Variants in ZNF367 observed in about 807,000 individuals in gnomAD.
ZNF367 encodes C2H2 zinc finger protein ZFF29.
A neutral mutation model predicts 31.8 loss-of-function variants in ZNF367; 11 were observed. That is an observed-to-expected ratio of 0.35 (90% CI 0.22 to 0.57). The LOEUF (loss-of-function observed/expected upper bound fraction) is 0.57, where lower values mean the gene tolerates loss of function less well. Ranked by LOEUF, ZNF367 falls within the 20% of genes least tolerant of loss-of-function variation. The pLI, the probability that ZNF367 is intolerant of heterozygous loss-of-function variation, is 0.85. For synonymous variants in ZNF367, 199 were observed against 202.4 expected (o/e 0.98, Z 0.14); for missense variants, 353 against 484.1 (o/e 0.73, Z 2.54).
Position 96,418,044 on chromosome 9 carries a change from A to C in ZNF367, c.-12T>G. 1.5e-6 allele frequency: 2 copies of C among 1,352,466 alleles called. No individual in the cohort carries two copies. The highest frequency in any genetic ancestry group is 3.9e-5 in the Admixed American group (1 of 25,692). The allele number at this position is 1,352,466 out of a possible 1,614,324, so 83.8% of individuals were successfully genotyped here. A position where few individuals can be genotyped will look rare whatever the true frequency, so the allele number is the denominator to read the frequency against. ...AAGCCCCGGATCATCGCCCGGCCCG[A>C]CCCCCAGCTCCGGCGGCCCCGGGCC... On this transcript the variant is annotated 5_prime_UTR_variant, in exon 1 of 5. Transcript: ENST00000375256.
intron 1 of ZNF367, among the ~76,000 whole-genome samples, chr9:96,415,361 C>A (rs116904117): frequency 6.6e-6 from 1 of 151,480 alleles, no homozygotes; most frequent in Non-Finnish European, 1.5e-5. Flanking sequence ...GCCACCCACC[C>A]GGTGGATACC....
rs2131074450 is a variant in ZNF367 at position 96,398,205 on chromosome 9, G to A, written c.530C>T (p.Pro177Leu). The change falls in exon 2 of 5, where the codon CCA becomes CTA. Residue 177 changes from proline to leucine, a missense_variant. Pro to Leu is a moderately conservative substitution (Grantham distance 98). This residue lies in a region of ZNF367 where 57 missense variants were observed against 141.9 expected (regional missense o/e 0.40). Transcript: ENST00000375256. ...GTGAGCCTGGAGCGATTTCTCCCGT[G>A]GAAACACCCTATTACAGATGTTACA... Reference protein sequence around the residue: ...IRCNICNRVFPREKSLQAHKR... With the variant: ...IRCNICNRVFLREKSLQAHKR... The A allele has an allele frequency of 6.2e-7, 1 of 1,606,708 alleles. No individual in the cohort carries two copies. Among genetic ancestry groups the A allele is most frequent in the Non-Finnish European group, 8.5e-7 (1 of 1,175,902 alleles).
At chr9:96,402,975 CTT>C (rs375468277) in intron 1 of ZNF367, among the ~76,000 whole-genome samples, 1 of 147,110 alleles carries the variant, frequency 6.8e-6, no homozygotes, top group Non-Finnish European at 1.5e-5. Flanking sequence ...AAACAACACA[CTT>C]TTTTTTTTTT....
intron 1 of ZNF367, among the ~76,000 whole-genome samples, chr9:96,408,032 G>T (rs899574139): frequency 1.3e-5 from 2 of 151,642 alleles, no homozygotes; most frequent in African/African-American, 4.8e-5. Flanking sequence ...TTGGACACAG[G>T]AAGGGGAACA....
At position 96,418,224 on chromosome 9, in the gene ZNF367, G is replaced by A; in HGVS notation, c.-192C>T. 1.2e-6 allele frequency: 1 copy of A among 835,796 alleles called. No individual in the cohort carries two copies. 51.8% of individuals were successfully genotyped at this position (835,796 alleles called of 1,614,324 possible). On this transcript the variant is annotated 5_prime_UTR_variant, in exon 1 of 5. Coordinates refer to ENST00000375256, the MANE Select transcript of ZNF367 (RefSeq NM_153695.4). Reference sequence around the variant, plus strand: ...CACCGGCGGGCAGGGCTGGACCCCAGCCCCAGGTCAAGCGCGCCCTCCGCT... The same window carrying A: ...CACCGGCGGGCAGGGCTGGACCCCAACCCCAGGTCAAGCGCGCCCTCCGCT...
In ZNF367 at chr9:96,417,632, G is replaced by A. The variant is rs1267969956; in HGVS notation, c.401C>T (p.Pro134Leu). 2.6e-6 allele frequency: 2 copies of A among 779,594 alleles called. No individual in the cohort carries two copies. The highest frequency in any genetic ancestry group is 3.6e-5 in the East Asian group (1 of 27,440). 48.3% of individuals were successfully genotyped at this position (779,594 alleles called of 1,614,324 possible). A position where few individuals can be genotyped will look rare whatever the true frequency, so the allele number is the denominator to read the frequency against. The change falls in exon 1 of 5, where the codon CCA (proline) becomes CTA (leucine). Residue 134 changes from proline (P) to leucine (L), a missense_variant. By Grantham distance (98) the Pro-to-Leu change is moderately conservative. Transcript: ENST00000375256. The surrounding 1 kb of genome is among the most constrained non-coding windows in gnomAD (Gnocchi z 5.0). ...GGEDEEEASS[P>L]DSGHLKDGIR... ...GCTCACCTTGAGGTGGCCGCTGTCT[G>A]GGCTGCTCGCTTCCTCCTCGTCCTC...
At chr9:96,389,874 C>T (rs965454265) in intron 4 of ZNF367, among the ~76,000 whole-genome samples, 10 of 150,482 alleles carry the variant, frequency 6.6e-5, no homozygotes, top group African/African-American at 2.4e-4. Flanking sequence ...GAATTATAGG[C>T]GCCCACCACC....
intron 1 of ZNF367, among the ~76,000 whole-genome samples, chr9:96,398,608 T>A (rs568415144): frequency 6.6e-6 from 1 of 152,192 alleles, no homozygotes; most frequent in South Asian, 2.1e-4. Flanking sequence ...CCTCCACAGA[T>A]GACTAAAAAA....
intron 1 of ZNF367, among the ~76,000 whole-genome samples, chr9:96,398,597 C>T (rs1831562837): frequency 6.6e-6 from 1 of 152,164 alleles, no homozygotes; most frequent in African/African-American, 2.4e-5. Flanking sequence ...AATGGCCCAT[C>T]CCTCCACAGA....
At position 96,416,682 on chromosome 9, in the gene ZNF367, A is replaced by G. The variant is rs146764922; in HGVS notation, c.420+931T>C. 3.3e-3 allele frequency among the ~76,000 whole-genome samples: 496 copies of G among 152,316 alleles called. 1 individual carries two copies. Among genetic ancestry groups the G allele is most frequent in the Middle Eastern group, 0.01 (3 of 294 alleles). On this transcript the variant is annotated intron_variant, in intron 1 of 4. Transcript: ENST00000375256. ...CAGCCACTTAACAAATGGAACCTGG[A>G]TATTACCCTTCTGTTAGCACCATTC... is the stretch of plus-strand genomic sequence containing the variant.
Position 96,406,264 on chromosome 9 carries a change from A to C in ZNF367, c.421-7950T>G, listed in dbSNP as rs561638817. Among the ~76,000 whole-genome samples the C allele has an allele frequency of 3.9e-5, 6 of 152,352 alleles. No homozygotes were observed. In the East Asian group the frequency reaches 1.2e-3, roughly 29 times the overall value. ...AAATGAAGATGCTTTTAGGGCTTTC[A>C]ATATCAAAACTCAAAGCCTTCCAAA... On this transcript the variant is annotated intron_variant, in intron 1 of 4. Coordinates refer to ENST00000375256, the MANE Select transcript of ZNF367 (RefSeq NM_153695.4).
In ZNF367 at chr9:96,388,063, T is replaced by C. The variant is rs1286804721; in HGVS notation, c.*174A>G. ...ACTTTACGATGAATTCATTTCCATATTAAAAAAGTGCAGTTCTCTCTCACC... is the reference window on the plus strand; with the variant it reads ...ACTTTACGATGAATTCATTTCCATACTAAAAAAGTGCAGTTCTCTCTCACC... On this transcript the variant is annotated 3_prime_UTR_variant, in exon 5 of 5. Transcript: ENST00000375256. The C allele has an allele frequency of 1.5e-5, 9 of 610,756 alleles. No individual in the cohort carries two copies. Among genetic ancestry groups the C allele is most frequent in the Non-Finnish European group, 2.5e-5 (9 of 357,848 alleles). The allele number at this position is 610,756 out of a possible 1,614,324, so 37.8% of individuals were successfully genotyped here. A position where few individuals can be genotyped will look rare whatever the true frequency, so the allele number is the denominator to read the frequency against.
At chr9:96,403,420 C>T (rs375587525) in intron 1 of ZNF367, among the ~76,000 whole-genome samples, 2 of 152,176 alleles carry the variant, frequency 1.3e-5, no homozygotes, top group South Asian at 4.1e-4. Flanking sequence ...GATAGCAATG[C>T]TATCCAAAGC....
chr9:96,407,696 G>C (rs1178888664), intron 1 of ZNF367: 1 of 1,398,300 alleles, frequency 7.2e-7, no homozygotes, highest in Non-Finnish European at 1.0e-6. Flanking sequence ...AAAGTTATTC[G>C]AACAGGAAAG....
At chr9:96,409,811 G>A (rs1233371099) in intron 1 of ZNF367, among the ~76,000 whole-genome samples, 1 of 152,164 alleles carries the variant, frequency 6.6e-6, no homozygotes, top group African/African-American at 2.4e-5. Context: ...AATCTTCATT[G>A]CCATCATTTA....
rs552402899 is a variant in ZNF367, at chr9:96,398,435, A to G, written c.421-121T>C. The G allele has an allele frequency of 2.1e-4, 167 of 792,662 alleles. 1 individual carries two copies. The East Asian group carries it at 4.5e-3, about 21-fold the overall frequency. The allele number at this position is 792,662 out of a possible 1,614,324, so 49.1% of individuals were successfully genotyped here. ...GCTGGGCGCAGCGGCACACACTTAT[A>G]GTCCCAGCTATTTAGGAGGCTGAGG... is the stretch of plus-strand genomic sequence containing the variant. On this transcript the variant is annotated intron_variant, in intron 1 of 4. Coordinates refer to ENST00000375256, the MANE Select transcript of ZNF367 (RefSeq NM_153695.4).
Position 96,417,891 on chromosome 9 carries a change from C to T in ZNF367, c.142G>A (p.Gly48Arg). 6.6e-7 allele frequency: 1 copy of T among 1,522,248 alleles called. No individual in the cohort carries two copies. The highest frequency in any genetic ancestry group is 8.7e-7 in the Non-Finnish European group (1 of 1,143,952). The allele number at this position is 1,522,248 out of a possible 1,614,324, so 94.3% of individuals were successfully genotyped here. Residue 48 changes from glycine to arginine, a missense_variant, in exon 1 of 5, where the codon GGG (glycine) becomes AGG (arginine). Around this residue, in one of 5 missense-constraint regions of ZNF367, gnomAD observed 94 missense variants for 86.7 expected, o/e 1.08. Transcript: ENST00000375256. This position sits in a 1 kb window ranked among gnomAD's most constrained non-coding sequence, Gnocchi z 5.0. The stretch of plus-strand genomic sequence containing the variant: ...AGCGGCGGCGGCGGCTCCGGCTCCC[C>T]TCCACCGCCGCACGTTGGCTTGATC... ...TPIKPTCGGG[G>R]EPEPPPPLIP...
In ZNF367 at chr9:96,389,726, ATTTATTTTTAT is replaced by A. The variant is rs140069812; in HGVS notation, c.831-1278_831-1268del. 9.1e-3 allele frequency among the ~76,000 whole-genome samples: 1,376 copies of A among 151,892 alleles called. 17 individuals are homozygous for A. Among genetic ancestry groups the A allele is most frequent in the African/African-American group, 0.03 (1,259 of 41,406 alleles). The stretch of plus-strand genomic sequence containing the variant: ...CTTATATACCAACAAAGCTGTTTTT[ATTTATTTTTAT>A]TTTATTTTTCGAGACAGAGTCTCAC... On this transcript the variant is annotated intron_variant, in intron 4 of 4. Transcript: ENST00000375256.
At chr9:96,415,423 T>C (rs1330536228) in intron 1 of ZNF367, among the ~76,000 whole-genome samples, 1 of 147,406 alleles carries the variant, frequency 6.8e-6, no homozygotes, top group Non-Finnish European at 1.5e-5. Flanking sequence ...CAACAGCAAC[T>C]GTAGCCTTTA....
Sources: allele counts gnomAD v4.1 joint callset (sites outside exome capture counted in the v4.1 genomes callset), GRCh38; gene constraint gnomAD v4.1.1; regional missense constraint gnomAD v4.1.1; non-coding constraint Gnocchi (gnomAD v3.1); transcripts MANE v1.5; gene names NCBI Gene and HGNC (gene_info 2026-07-23, HGNC 2026-07-21).